Variants in MGMT observed in about 807,000 individuals in gnomAD.
The protein encoded by MGMT is methylated-DNA--protein-cysteine methyltransferase.
Under a neutral mutation model 15.9 loss-of-function variants are expected in MGMT, and 14 were observed. The observed-to-expected ratio is 0.88, with a 90% CI of 0.58 to 1.37. The LOEUF is 1.37. Among genes scored for constraint, MGMT ranks in the 40% most tolerant of loss-of-function variants. The probability of loss-of-function intolerance (pLI) is 0.00; values close to 1 mark genes in which losing one functional copy is unlikely to be tolerated. For synonymous variants in MGMT, 130 were observed against 118.2 expected (o/e 1.10, Z -0.65); for missense variants, 282 against 268.1 (o/e 1.05, Z -0.36).
intron 3 of MGMT, among the ~76,000 whole-genome samples, chr10:129,713,397 G>A (rs1848255283): frequency 6.6e-6 from 1 of 152,296 alleles, no homozygotes; most frequent in Admixed American, 6.5e-5. Context: ...TTTCTGGAGA[G>A]CAAATGTGGA....
chr10:129,489,265 CAG>C (rs929767001), intron 1 of MGMT, among the ~76,000 whole-genome samples: 13 of 141,052 alleles, frequency 9.2e-5, no homozygotes, highest in South Asian at 2.2e-4. Context: ...GAGGCTGAGA[CAG>C]GGGAATTGCA....
At chr10:129,748,376 T>C (rs1848717938) in intron 3 of MGMT, among the ~76,000 whole-genome samples, 1 of 152,228 alleles carries the variant, frequency 6.6e-6, no homozygotes, top group South Asian at 2.1e-4. Context: ...TGTCGTACTC[T>C]CCTCATCGTG....
At chr10:129,494,477 C>T (rs1194891455) in intron 1 of MGMT, among the ~76,000 whole-genome samples, 1 of 152,144 alleles carries the variant, frequency 6.6e-6, no homozygotes, top group Non-Finnish European at 1.5e-5. Context: ...GTCCTCATTA[C>T]CTTCTGGGTC....
chr10:129,676,901 A>C (rs1380802240), intron 2 of MGMT, among the ~76,000 whole-genome samples: 1 of 150,988 alleles, frequency 6.6e-6, no homozygotes, highest in East Asian at 1.9e-4. Flanking sequence ...TTTCTTTTGG[A>C]AAAAAAAACA....
intron 3 of MGMT, among the ~76,000 whole-genome samples, chr10:129,719,241 T>C (rs575570984): frequency 6.6e-6 from 1 of 152,360 alleles, no homozygotes; most frequent in East Asian, 1.9e-4. Context: ...CTCAGGTACG[T>C]CACCTTCCCA....
At chr10:129,685,137 T>C (rs1242294797) in intron 2 of MGMT, among the ~76,000 whole-genome samples, 2 of 152,242 alleles carry the variant, frequency 1.3e-5, no homozygotes, top group South Asian at 2.1e-4. Context: ...AAGCAGGTGA[T>C]TGAAAGTCAG....
At chr10:129,731,538 G>T (rs545615221) in intron 3 of MGMT, among the ~76,000 whole-genome samples, 1 of 151,766 alleles carries the variant, frequency 6.6e-6, no homozygotes, top group Non-Finnish European at 1.5e-5. Flanking sequence ...TGGGATTACA[G>T]GCACCCGCCA....
At chr10:129,477,612 G>A (rs533594388) in intron 1 of MGMT, among the ~76,000 whole-genome samples, 1 of 152,320 alleles carries the variant, frequency 6.6e-6, no homozygotes, top group African/African-American at 2.4e-5. Flanking sequence ...CCCATACCGT[G>A]TGAGGACACA....
chr10:129,752,063 T>C (rs560524907), intron 3 of MGMT, among the ~76,000 whole-genome samples: 1 of 152,158 alleles, frequency 6.6e-6, no homozygotes, highest in Admixed American at 6.5e-5. Context: ...TTGCTGATTT[T>C]CTGTCACCTA....
rs1848965049 is a variant in MGMT at position 129,768,574 on chromosome 10, G to T, written c.*1577G>T. On this transcript the variant is annotated 3_prime_UTR_variant, in exon 5 of 5. Coordinates refer to ENST00000651593, the MANE Select transcript of MGMT (RefSeq NM_002412.5). ...AAGGTGGTGCCCTGTGTCCCCCACAGATGATGGCCCTCCCCAGTGATGGCC... is the reference window on the plus strand; with the variant it reads ...AAGGTGGTGCCCTGTGTCCCCCACATATGATGGCCCTCCCCAGTGATGGCC... Among the ~76,000 whole-genome samples, 1 of 152,258 alleles carries T rather than the reference G, an allele frequency of 6.6e-6. No individual in the cohort carries two copies. The highest frequency in any genetic ancestry group is 2.1e-4 in the South Asian group (1 of 4,836).
At chr10:129,606,360 G>A (rs1301208074) in intron 2 of MGMT, among the ~76,000 whole-genome samples, 1 of 152,186 alleles carries the variant, frequency 6.6e-6, no homozygotes, top group Admixed American at 6.5e-5. Flanking sequence ...AGAGAACACG[G>A]TTTGGGAGGG....
intron 2 of MGMT, among the ~76,000 whole-genome samples, chr10:129,690,035 G>A (rs1847952268): frequency 6.6e-6 from 1 of 152,172 alleles, no homozygotes; most frequent in South Asian, 2.1e-4. Context: ...CTAGGCTCTG[G>A]GTGGAACCGA....
At chr10:129,646,754 A>ATATATATATATATATATATATTTTTTTTT in intron 2 of MGMT, among the ~76,000 whole-genome samples, 16 of 86,626 alleles carry the variant, frequency 1.8e-4, no homozygotes, top group Non-Finnish European at 3.1e-4. Context: ...ATATATATAT[A>ATATATATATATATATATATATTTTTTTTT]TTTTCAGGGA....
chr10:129,635,243 T>C (rs1380980146), intron 2 of MGMT, among the ~76,000 whole-genome samples: 5 of 152,200 alleles, frequency 3.3e-5, no homozygotes, highest in African/African-American at 7.2e-5. Flanking sequence ...CTGATGAATA[T>C]GTGAGGGTGA....
chr10:129,559,263 A>G (rs1053684321), intron 2 of MGMT, among the ~76,000 whole-genome samples: 3 of 152,174 alleles, frequency 2.0e-5, no homozygotes, highest in Non-Finnish European at 2.9e-5. Context: ...ATTTATTCAG[A>G]ATGATTTTTT....
rs538682330 is a variant in MGMT, at chr10:129,470,679, A to G, written c.-13+3383A>G. Among the ~76,000 whole-genome samples, 9 of 152,300 alleles carry G rather than the reference A, an allele frequency of 5.9e-5. No individual in the cohort carries two copies. The South Asian group carries it at 6.2e-4, about 11-fold the overall frequency. ...CTGCGCTCCCGAAGCTCCTCCAGCTAAGTAACTGAATAGGCCGCCCTGGGA... is the reference window on the plus strand; with the variant it reads ...CTGCGCTCCCGAAGCTCCTCCAGCTGAGTAACTGAATAGGCCGCCCTGGGA... On this transcript the variant is annotated intron_variant, in intron 1 of 4. Coordinates refer to ENST00000651593, the MANE Select transcript of MGMT (RefSeq NM_002412.5).
At chr10:129,716,900 G>A (rs760066182) in intron 3 of MGMT, among the ~76,000 whole-genome samples, 2 of 152,150 alleles carry the variant, frequency 1.3e-5, no homozygotes, top group African/African-American at 2.4e-5. Flanking sequence ...AAGCTACTTA[G>A]GTTGAATGCC....
intron 2 of MGMT, among the ~76,000 whole-genome samples, chr10:129,592,745 A>G (rs1846701680): frequency 6.6e-6 from 1 of 152,140 alleles, no homozygotes; most frequent in Non-Finnish European, 1.5e-5. Flanking sequence ...GCCTTCTGTT[A>G]AGCCAGCTGT....
At position 129,492,664 on chromosome 10, in the gene MGMT, A is replaced by G. The variant is rs570699967; in HGVS notation, c.-13+25368A>G. ...TGTGTGGACTGCCACGGTGCTCCCC[A>G]TCTGCACCCAGGATCAGCAAGTGTT... On this transcript the variant is annotated intron_variant, in intron 1 of 4. Coordinates refer to ENST00000651593, the MANE Select transcript of MGMT (RefSeq NM_002412.5). Among the ~76,000 whole-genome samples, 39 of 152,252 alleles carry G rather than the reference A, an allele frequency of 2.6e-4. No homozygotes were observed. In the East Asian group the frequency reaches 7.4e-3, roughly 29 times the overall value.
Sources: gnomAD v4.1 joint callset for allele counts (sites outside exome capture counted in the v4.1 genomes callset) on GRCh38, gnomAD v4.1.1 for gene constraint, MANE v1.5 for transcripts, NCBI Gene and HGNC (gene_info 2026-07-23, HGNC 2026-07-21) for gene names.